The following KIAA1549 variants were observed in gnomAD, a reference collection of about 807,000 sequenced individuals.
KIAA1549 encodes KIAA1549.
A neutral mutation model predicts 156.4 loss-of-function variants in KIAA1549; 70 were observed. The observed-to-expected ratio is 0.45, with a 90% CI of 0.37 to 0.55. KIAA1549 has a LOEUF of 0.55. Among genes scored for constraint, KIAA1549 ranks in the 20% least tolerant of loss-of-function variants. The probability of loss-of-function intolerance (pLI) is 0.00; values close to 1 mark genes in which losing one functional copy is unlikely to be tolerated. For synonymous variants in KIAA1549, 1,103 were observed against 1,066.4 expected, an observed-to-expected ratio of 1.03 and a Z score of -0.67; for missense variants, 2,428 against 2,540.9, an observed-to-expected ratio of 0.96 and a Z score of 0.96.
chr7:138,888,839 A>G (rs1563064492), intron 10 of KIAA1549, among the ~76,000 whole-genome samples: 2 of 152,230 alleles, frequency 1.3e-5, no homozygotes, highest in Non-Finnish European at 2.9e-5. Context: ...ATCCATCTAT[A>G]TAATTCTCAA....
At chr7:138,904,949 G>A in intron 7 of KIAA1549, 73 bp downstream of exon 7, 1 of 881,876 alleles carries the variant, frequency 1.1e-6, no homozygotes, top group Non-Finnish European at 1.8e-6. Flanking sequence ...AAGAAAGGCA[G>A]CATCATTCTC....
intron 15 of KIAA1549, 136 bp downstream of exon 15, chr7:138,867,839 T>A: frequency 1.1e-6 from 1 of 923,712 alleles, no homozygotes; most frequent in Non-Finnish European, 1.6e-6. Context: ...AGGGCCCTGG[T>A]GCATCAGCCA....
chr7:138,905,165 T>C, intron 6 of KIAA1549, 84 bp from the exon 7 acceptor site: 1 of 902,398 alleles, frequency 1.1e-6, no homozygotes. Flanking sequence ...ACACATCGTC[T>C]TTACTATTTA....
At chr7:138,971,822 C>T (rs1814229253) in intron 1 of KIAA1549, among the ~76,000 whole-genome samples, 9 of 152,222 alleles carry the variant, frequency 5.9e-5, no homozygotes, top group Admixed American at 5.9e-4. Flanking sequence ...CATTTTCCCA[C>T]ATCCTAGACA....
chr7:138,919,407 A>G lies in KIAA1549; in HGVS notation c.219T>C (p.Ser73=). The G allele has an allele frequency of 6.2e-7, 1 of 1,614,030 alleles. No homozygotes were observed. The highest frequency in any genetic ancestry group is 8.5e-7 in the Non-Finnish European group (1 of 1,179,898). ...DELSPEQHNL[S]LYSMELVLKK... ...TCAGCACGAGCTCCATGGAGTATAA[A>G]GAAAGGTTGTGCTGTTCCGGAGAGA... Residue 73 remains serine (S), a synonymous_variant, in exon 2 of 20, where the codon TCT becomes TCC. Coordinates refer to ENST00000422774, the MANE Select transcript of KIAA1549 (RefSeq NM_001164665.2).
chr7:138,911,088 A>AT (rs1491449137), intron 4 of KIAA1549, 58 bp downstream of exon 4: 11 of 1,063,432 alleles, frequency 1.0e-5, no homozygotes, highest in South Asian at 3.6e-5. Flanking sequence ...TTTTAGAAAG[A>AT]TAAAAAAAAA....
rs369681611 is a variant in KIAA1549, at chr7:138,919,625, T to C, written c.188-187A>G. ...TGACAGAATTACCATCAGGACAATA[T>C]CTGCAAATATTCCTAAACTTGGGCA... On this transcript the variant is annotated intron_variant, in intron 1 of 19. Coordinates refer to ENST00000422774, the MANE Select transcript of KIAA1549 (RefSeq NM_001164665.2). 8.6e-5 allele frequency: 90 copies of C among 1,044,278 alleles called. No individual in the cohort carries two copies. In the African/African-American group the frequency reaches 1.2e-3, roughly 14 times the overall value. 64.7% of individuals were successfully genotyped at this position (1,044,278 alleles called of 1,614,324 possible). A position where few individuals can be genotyped will look rare whatever the true frequency, so the allele number is the denominator to read the frequency against.
At position 138,941,153 on chromosome 7, in the gene KIAA1549, A is replaced by G. The variant is rs528531188; in HGVS notation, c.188-21715T>C. 4.5e-3 allele frequency among the ~76,000 whole-genome samples: 678 copies of G among 152,334 alleles called. 3 individuals carry two copies. Among genetic ancestry groups the G allele is most frequent in the Non-Finnish European group, 7.3e-3 (496 of 68,030 alleles). Reference sequence around the variant, plus strand: ...AAATAATAATAATTTGGGGTCTGGAACAATAATGTTATTTGTGTTTTGTAA... The same window carrying G: ...AAATAATAATAATTTGGGGTCTGGAGCAATAATGTTATTTGTGTTTTGTAA... On this transcript the variant is annotated intron_variant, in intron 1 of 19. Coordinates refer to ENST00000422774, the MANE Select transcript of KIAA1549 (RefSeq NM_001164665.2).
chr7:138,917,059 G>A lies in KIAA1549; in HGVS notation c.2567C>T (p.Pro856Leu), dbSNP rs760405182. The A allele has an allele frequency of 1.2e-6, 2 of 1,608,116 alleles. No individual in the cohort carries two copies. Residue 856 changes from proline to leucine, a missense_variant, in exon 2 of 20, where the codon CCC becomes CTC. Coordinates refer to ENST00000422774, the MANE Select transcript of KIAA1549 (RefSeq NM_001164665.2). ...SGSSFVSEAT[P>L]FPLPTELTVV... ...GGTCAGCTCTGTGGGCAGAGGGAAG[G>A]GGGTTGCTTCAGAAACAAACGAGGA...
chr7:138,927,527 A>G (rs1179398904), intron 1 of KIAA1549, among the ~76,000 whole-genome samples: 1 of 152,216 alleles, frequency 6.6e-6, no homozygotes, highest in African/African-American at 2.4e-5. Context: ...AGTTCCAGCT[A>G]CTCTGGAGGC....
At chr7:138,923,525 G>A (rs1345713054) in intron 1 of KIAA1549, among the ~76,000 whole-genome samples, 4 of 152,058 alleles carry the variant, frequency 2.6e-5, no homozygotes, top group South Asian at 2.1e-4. Context: ...ACATGAACCC[G>A]GGAGGTGGAG....
chr7:138,976,933 T>C (rs937789329), intron 1 of KIAA1549, among the ~76,000 whole-genome samples: 1 of 152,220 alleles, frequency 6.6e-6, no homozygotes, highest in African/African-American at 2.4e-5. Context: ...CATCCCCAAA[T>C]GATGTTGATG....
intron 4 of KIAA1549, among the ~76,000 whole-genome samples, chr7:138,909,957 A>G (rs936739381): frequency 3.3e-5 from 5 of 152,156 alleles, no homozygotes; most frequent in Non-Finnish European, 7.3e-5. Flanking sequence ...CAAAAAAAAG[A>G]AAAGAAAAGA....
rs568484862 is a variant in KIAA1549, at chr7:138,835,543, T to C, written c.*2363A>G. On this transcript the variant is annotated 3_prime_UTR_variant, in exon 20 of 20. Coordinates refer to ENST00000422774, the MANE Select transcript of KIAA1549 (RefSeq NM_001164665.2). ...GTTACCATTTTTAGCACACTCTATG[T>C]GCAAGCCTGTATGGCCCTGAGCGGA... 50 of 224,340 alleles carry C rather than the reference T, an allele frequency of 2.2e-4. No individual in the cohort carries two copies. Among genetic ancestry groups the C allele is most frequent in the African/African-American group, 1.1e-3 (49 of 44,952 alleles). 13.9% of individuals were successfully genotyped at this position (224,340 alleles called of 1,614,324 possible). A position where few individuals can be genotyped will look rare whatever the true frequency, so the allele number is the denominator to read the frequency against.
chr7:138,923,560 A>G (rs1812623576), intron 1 of KIAA1549, among the ~76,000 whole-genome samples: 1 of 152,092 alleles, frequency 6.6e-6, no homozygotes, highest in Non-Finnish European at 1.5e-5. Flanking sequence ...AGATCATGCC[A>G]TTGCACTCCA....
At chr7:138,869,482 C>G in intron 14 of KIAA1549, 56 bp downstream of exon 14, 1 of 1,368,460 alleles carries the variant, frequency 7.3e-7, no homozygotes, top group Non-Finnish European at 1.0e-6. Context: ...GCTCCTGTGC[C>G]CCCCGCAGCA....
intron 1 of KIAA1549, among the ~76,000 whole-genome samples, chr7:138,928,887 T>A (rs1812794847): frequency 6.6e-6 from 1 of 152,162 alleles, no homozygotes; most frequent in African/African-American, 2.4e-5. Context: ...ACATGTACCC[T>A]AGAACTTAAA....
chr7:138,913,584 A>T (rs559779819), intron 2 of KIAA1549, among the ~76,000 whole-genome samples: 2 of 152,332 alleles, frequency 1.3e-5, no homozygotes, highest in South Asian at 4.1e-4. Context: ...TAAAGTAGAG[A>T]CAGAATCACT....
chr7:138,831,848 G>C lies in KIAA1549; in HGVS notation c.*6058C>G, dbSNP rs1019462890. ...ACTCCCTGCGTCCCAGAGATGCTCC[G>C]GAGGAGGGCAAAGTCGAGGGCGTTC... On this transcript the variant is annotated 3_prime_UTR_variant, in exon 20 of 20. Transcript: ENST00000422774. 4.3e-6 allele frequency: 1 copy of C among 232,800 alleles called. No homozygotes were observed. Among genetic ancestry groups the C allele is most frequent in the South Asian group, 1.8e-4 (1 of 5,516 alleles). 14.4% of individuals were successfully genotyped at this position (232,800 alleles called of 1,614,324 possible).
Sources: gnomAD v4.1 joint callset for allele counts (sites outside exome capture counted in the v4.1 genomes callset) on GRCh38, gnomAD v4.1.1 for gene constraint, MANE v1.5 for transcripts, NCBI Gene and HGNC (gene_info 2026-07-23, HGNC 2026-07-21) for gene names.